The following RSRC2 variants were observed in gnomAD, a reference collection of about 807,000 sequenced individuals.
RSRC2 encodes the protein arginine and serine rich coiled-coil 2.
In RSRC2, 5 loss-of-function variants were observed where a neutral mutation model predicts 61.3. The observed-to-expected ratio is 0.08, with a 90% CI of 0.04 to 0.17. The LOEUF is 0.17. Among genes scored for constraint, RSRC2 ranks in the 10% least tolerant of loss-of-function variants. RSRC2 has a pLI of 1.00. For missense variants in RSRC2, 381 were observed against 518.8 expected, an observed-to-expected ratio of 0.73 and a Z score of 2.58; for synonymous variants, 202 against 166.5, an observed-to-expected ratio of 1.21 and a Z score of -1.64.
chr12:122,513,756 G>A, intron 6 of RSRC2: 1 of 984,350 alleles, frequency 1.0e-6, no homozygotes, highest in Non-Finnish European at 1.2e-6. Flanking sequence ...GGAAAGAAGG[G>A]GTGAGCTCAC....
At chr12:122,522,112 G>A (rs750805621) in intron 2 of RSRC2, 31 bp downstream of exon 2, 1 of 1,589,088 alleles carries the variant, frequency 6.3e-7, no homozygotes, top group South Asian at 1.1e-5. Context: ...TACAAATGCT[G>A]AGAGTTGTAA....
intron 7 of RSRC2, among the ~76,000 whole-genome samples, chr12:122,510,326 C>T (rs1020525422): frequency 1.3e-5 from 2 of 151,684 alleles, no homozygotes; most frequent in African/African-American, 2.4e-5. Context: ...GTCAAGAGAT[C>T]GACACCATCC....
chr12:122,521,424 A>G lies in RSRC2; in HGVS notation c.168T>C (p.Asn56=), dbSNP rs1462076756. The G allele has an allele frequency of 1.2e-6, 2 of 1,612,212 alleles. No individual in the cohort carries two copies. Among genetic ancestry groups the G allele is most frequent in the East Asian group, 2.2e-5 (1 of 44,830 alleles). Residue 56 remains asparagine (N), a synonymous_variant, in exon 3 of 10, where the codon AAT becomes AAC. Coordinates refer to ENST00000331738, the MANE Select transcript of RSRC2 (RefSeq NM_023012.6). ...RSRERKRKSD[N]EGRKHRSRSR... is the part of the protein sequence containing the mutation. ...TCCGGCTCCTGTGTTTTCTTCCTTC[A>G]TTATCTGTGAATACACAAAAAAAAT...
At chr12:122,517,117 TA>T in intron 5 of RSRC2, 109 bp downstream of exon 5, 1 of 1,486,896 alleles carries the variant, frequency 6.7e-7, no homozygotes, top group South Asian at 1.2e-5. Context: ...AATTTTACCA[TA>T]ATCTATAAAT....
At position 122,518,819 on chromosome 12, in the gene RSRC2, T is replaced by C. The variant is rs758069590; in HGVS notation, c.398+20A>G. On this transcript the variant is annotated intron_variant, in intron 4 of 9. Coordinates refer to ENST00000331738, the MANE Select transcript of RSRC2 (RefSeq NM_023012.6). ...TGTAACTTGTTAGAAGGTACTACAT[T>C]ATAATACAACATGACTTACCTTTCA... The C allele has an allele frequency of 6.3e-7, 1 of 1,591,746 alleles. No homozygotes were observed. The highest frequency in any genetic ancestry group is 1.3e-5 in the African/African-American group (1 of 74,420).
intron 5 of RSRC2, among the ~76,000 whole-genome samples, chr12:122,516,623 G>A (rs1041323592): frequency 1.3e-5 from 2 of 152,158 alleles, no homozygotes; most frequent in East Asian, 1.9e-4. Context: ...ACAGCATATG[G>A]TAAGTATGCA....
intron 6 of RSRC2, 117 bp from the exon 7 acceptor site, chr12:122,511,305 G>T: frequency 3.1e-6 from 2 of 647,876 alleles, no homozygotes; most frequent in Non-Finnish European, 2.5e-6. Flanking sequence ...TAAATTTTTA[G>T]CATCCCTCCA....
intron 7 of RSRC2, 24 bp from the exon 8 acceptor site, chr12:122,508,471 G>A (rs2137425744): frequency 6.4e-7 from 1 of 1,560,576 alleles, no homozygotes; most frequent in Non-Finnish European, 8.8e-7. Context: ...ATACAAAAAT[G>A]GATTTTAAAA....
intron 5 of RSRC2, among the ~76,000 whole-genome samples, chr12:122,516,490 A>G (rs970333389): frequency 1.3e-5 from 2 of 152,338 alleles, no homozygotes; most frequent in Admixed American, 1.3e-4. Context: ...AGCACTTAAT[A>G]ATGATACTGT....
At chr12:122,515,632 T>C (rs1958851418) in intron 5 of RSRC2, among the ~76,000 whole-genome samples, 1 of 152,220 alleles carries the variant, frequency 6.6e-6, no homozygotes, top group South Asian at 2.1e-4. Context: ...GAATCATTCC[T>C]ACATATTTTC....
chr12:122,516,622 G>A (rs1958948630), intron 5 of RSRC2, among the ~76,000 whole-genome samples: 1 of 152,152 alleles, frequency 6.6e-6, no homozygotes, highest in Non-Finnish European at 1.5e-5. Flanking sequence ...TACAGCATAT[G>A]GTAAGTATGC....
chr12:122,520,692 G>A (rs1164338608), intron 3 of RSRC2: 3 of 647,952 alleles, frequency 4.6e-6, no homozygotes, highest in African/African-American at 1.9e-5. Context: ...ACGGGAAGAG[G>A]TGAAGTCCCT....
Position 122,508,369 on chromosome 12 carries a change from A to G in RSRC2, c.884T>C (p.Met295Thr). 1 of 1,614,206 alleles carries G rather than the reference A, an allele frequency of 6.2e-7. No individual in the cohort carries two copies. Among genetic ancestry groups the G allele is most frequent in the Non-Finnish European group, 8.5e-7 (1 of 1,180,032 alleles). The change falls in exon 8 of 10, where the codon ATG becomes ACG. Residue 295 changes from methionine (M) to threonine (T), a missense_variant. Physicochemically the swap from Met to Thr is moderately conservative, Grantham distance 81. Around this residue, in one of 4 missense-constraint regions of RSRC2, gnomAD observed 78 missense variants for 183.0 expected, o/e 0.43. Coordinates refer to ENST00000331738, the MANE Select transcript of RSRC2 (RefSeq NM_023012.6). Reference protein sequence around the residue: ...SGTQVTPQIAMAAQMAALQAK... With the variant: ...SGTQVTPQIATAAQMAALQAK... The stretch of plus-strand genomic sequence containing the variant: ...TTGCAGGGCTGCCATCTGAGCTGCC[A>G]TGGCTATCTGAGGTGTTACTTGTGT...
rs560812179 is a variant in RSRC2, at chr12:122,523,990, AG to A, written c.7-1692del. The stretch of plus-strand genomic sequence containing the variant: ...AAAGAACAGTAAGAAATTAACTACC[AG>A]GGAGGCTCTCATGCCAGCATATTGT... On this transcript the variant is annotated intron_variant, in intron 1 of 9. Coordinates refer to ENST00000331738, the MANE Select transcript of RSRC2 (RefSeq NM_023012.6). Among the ~76,000 whole-genome samples the A allele has an allele frequency of 1.2e-4, 18 of 152,368 alleles. No homozygotes were observed. The South Asian group carries it at 3.3e-3, about 28-fold the overall frequency.
chr12:122,524,749 C>T (rs1959808612), intron 1 of RSRC2, among the ~76,000 whole-genome samples: 1 of 152,164 alleles, frequency 6.6e-6, no homozygotes, highest in Non-Finnish European at 1.5e-5. Context: ...TAGCATAATA[C>T]AGGTATCCAG....
At chr12:122,510,825 C>T (rs6489051) in intron 7 of RSRC2, among the ~76,000 whole-genome samples, 92,279 of 152,056 alleles carry the variant, frequency 0.61, 28,865 homozygotes, top group African/African-American at 0.75. Flanking sequence ...GGCAGGAGGA[C>T]TGCTTAAGCC....
At chr12:122,520,907 C>A (rs1055258476) in intron 3 of RSRC2, 9 of 237,120 alleles carry the variant, frequency 3.8e-5, no homozygotes, top group African/African-American at 1.6e-4. Context: ...CTCACTCAAA[C>A]CTTTATTTCA....
rs1299836774 is a variant in RSRC2 at position 122,525,982 on chromosome 12, C to T, written c.6+866G>A. Among the ~76,000 whole-genome samples, 3 of 52,002 alleles carry T rather than the reference C, an allele frequency of 5.8e-5. 1 individual carries two copies. Among genetic ancestry groups the T allele is most frequent in the Non-Finnish European group, 1.0e-4 (3 of 29,642 alleles). 34.1% of individuals were successfully genotyped at this position (52,002 alleles called of 152,430 possible). On this transcript the variant is annotated intron_variant, in intron 1 of 9. Coordinates refer to ENST00000331738, the MANE Select transcript of RSRC2 (RefSeq NM_023012.6). Reference sequence around the variant, plus strand: ...GACTACAGGCGTCCGCCACTACGCCCGGCTAATTTTTTTGTATTTTTAGTA... The same window carrying T: ...GACTACAGGCGTCCGCCACTACGCCTGGCTAATTTTTTTGTATTTTTAGTA...
chr12:122,512,970 A>C (rs985038147), intron 6 of RSRC2, among the ~76,000 whole-genome samples: 33 of 151,966 alleles, frequency 2.2e-4, no homozygotes, highest in African/African-American at 7.5e-4. Flanking sequence ...AGGTGGGAAG[A>C]CTGCTTGAGG....
Sources: gnomAD v4.1 joint callset for allele counts (sites outside exome capture counted in the v4.1 genomes callset) on GRCh38, gnomAD v4.1.1 for gene constraint, gnomAD v4.1.1 regional missense constraint, MANE v1.5 for transcripts, NCBI Gene and HGNC (gene_info 2026-07-23, HGNC 2026-07-21) for gene names.